Variants in TMEM184B observed in about 807,000 individuals in gnomAD.
The protein encoded by TMEM184B is putative MAPK-activating protein FM08.
A neutral mutation model predicts 41.8 loss-of-function variants in TMEM184B; 17 were observed. The observed-to-expected ratio is 0.41, with a 90% CI of 0.28 to 0.61. The LOEUF is 0.61. Among genes scored for constraint, TMEM184B ranks in the 20% least tolerant of loss-of-function variants. The probability of loss-of-function intolerance (pLI) is 0.34; values close to 1 mark genes in which losing one functional copy is unlikely to be tolerated. For synonymous variants in TMEM184B, 240 were observed against 229.5 expected (o/e 1.05, Z -0.41); for missense variants, 393 against 557.8 (o/e 0.70, Z 2.98).
intron 4 of TMEM184B, 107 bp downstream of exon 4, chr22:38,231,137 G>A: frequency 1.0e-6 from 1 of 988,980 alleles, no homozygotes; most frequent in Non-Finnish European, 1.6e-6. Flanking sequence ...AGCAGGTCAA[G>A]GTCACGGGCA....
In TMEM184B at chr22:38,221,267, T is replaced by C. The variant is rs1475201282; in HGVS notation, c.*202A>G. Reference sequence around the variant, plus strand: ...CGCCCGGGCAGTGCAGGCTGGGCCATGTATAAATATTCCTGAAGGCCCATG... The same window carrying C: ...CGCCCGGGCAGTGCAGGCTGGGCCACGTATAAATATTCCTGAAGGCCCATG... On this transcript the variant is annotated 3_prime_UTR_variant, in exon 9 of 9. Transcript: ENST00000361906. 1.5e-5 allele frequency: 22 copies of C among 1,420,324 alleles called. No individual in the cohort carries two copies. In the East Asian group the frequency reaches 3.4e-4, roughly 22 times the overall value. The allele number at this position is 1,420,324 out of a possible 1,614,324, so 88.0% of individuals were successfully genotyped here.
In TMEM184B at chr22:38,220,653, C is replaced by T. The variant is rs1456378820; in HGVS notation, c.*816G>A. The T allele has an allele frequency of 7.1e-6, 7 of 986,070 alleles. No homozygotes were observed. The East Asian group carries it at 6.8e-4, about 96-fold the overall frequency. 61.1% of individuals were successfully genotyped at this position (986,070 alleles called of 1,614,324 possible). ...GAAGGAGGGCTGGGAGCCCCTGAGC[C>T]CTGAAGCAGCCAGGAAGCAAGGGCT... On this transcript the variant is annotated 3_prime_UTR_variant, in exon 9 of 9. Coordinates refer to ENST00000361906, the MANE Select transcript of TMEM184B (RefSeq NM_012264.5).
chr22:38,222,124 A>G (rs1187505379), intron 8 of TMEM184B: 1 of 213,282 alleles, frequency 4.7e-6, no homozygotes, highest in Non-Finnish European at 9.4e-6. Context: ...CACAGGTGCC[A>G]GGCGCGTCCC....
chr22:38,223,841 G>A (rs1349900752), intron 8 of TMEM184B: 1 of 152,940 alleles, frequency 6.5e-6, no homozygotes, highest in Non-Finnish European at 1.5e-5. Flanking sequence ...CAGCCCAGTG[G>A]AGCGTCCCGG....
chr22:38,252,902 G>T (rs964548752), intron 1 of TMEM184B, among the ~76,000 whole-genome samples: 10 of 152,196 alleles, frequency 6.6e-5, no homozygotes, highest in South Asian at 6.2e-4. Flanking sequence ...TAGCACTTTG[G>T]GAGGCCGAGC....
At chr22:38,249,310 G>A (rs1265086289) in intron 1 of TMEM184B, among the ~76,000 whole-genome samples, 1 of 152,118 alleles carries the variant, frequency 6.6e-6, no homozygotes, top group African/African-American at 2.4e-5. Context: ...CATCAAGCCT[G>A]GCTAATTTTC....
chr22:38,272,714 C>T lies in TMEM184B; in HGVS notation c.-59+170G>A, dbSNP rs1376541608. 1.5e-5 allele frequency: 15 copies of T among 985,250 alleles called. No homozygotes were observed. In the East Asian group the frequency reaches 4.5e-4, roughly 30 times the overall value. The allele number at this position is 985,250 out of a possible 1,614,324, so 61.0% of individuals were successfully genotyped here. A position where few individuals can be genotyped will look rare whatever the true frequency, so the allele number is the denominator to read the frequency against. On this transcript the variant is annotated intron_variant, in intron 1 of 8. Transcript: ENST00000361906. ...GGAGGCACGGGTGGGGAGACGGATGCCCCCTCCCTCCGCGGCCGCACCGGC... is the reference window on the plus strand; with the variant it reads ...GGAGGCACGGGTGGGGAGACGGATGTCCCCTCCCTCCGCGGCCGCACCGGC...
At chr22:38,241,803 G>A (rs1394363888) in intron 3 of TMEM184B, among the ~76,000 whole-genome samples, 7 of 142,984 alleles carry the variant, frequency 4.9e-5, no homozygotes, top group South Asian at 2.2e-4. Context: ...AGAATGGCGT[G>A]AACCCAGGAG....
intron 1 of TMEM184B, among the ~76,000 whole-genome samples, chr22:38,269,062 T>G (rs2092483925): frequency 6.6e-6 from 1 of 152,240 alleles, no homozygotes; most frequent in African/African-American, 2.4e-5. Context: ...TGCCCCCTAT[T>G]TTTAAACAGC....
intron 3 of TMEM184B, among the ~76,000 whole-genome samples, chr22:38,233,955 G>A (rs985036326): frequency 5.9e-5 from 9 of 152,102 alleles, no homozygotes; most frequent in African/African-American, 2.2e-4. Context: ...TTGTAGTACA[G>A]ACAGGGTTTT....
intron 1 of TMEM184B, among the ~76,000 whole-genome samples, chr22:38,249,270 T>A (rs768657575): frequency 6.6e-6 from 1 of 152,204 alleles, no homozygotes; most frequent in Non-Finnish European, 1.5e-5. Context: ...TGCCTTAGCC[T>A]CCTGAGTAGC....
At chr22:38,253,304 G>A (rs776541853) in intron 1 of TMEM184B, among the ~76,000 whole-genome samples, 18 of 151,584 alleles carry the variant, frequency 1.2e-4, no homozygotes, top group East Asian at 2.0e-4. Context: ...GTGCGGTGGC[G>A]AAGACCTGTA....
At chr22:38,222,487 G>A (rs2091288260) in intron 8 of TMEM184B, 1 of 519,052 alleles carries the variant, frequency 1.9e-6, no homozygotes, top group Non-Finnish European at 2.5e-6. Flanking sequence ...CTCTACAGAG[G>A]GTGGCCCTTG....
chr22:38,249,890 T>G (rs16998843), intron 1 of TMEM184B, among the ~76,000 whole-genome samples: 9,026 of 152,214 alleles, frequency 0.059, 874 homozygotes, highest in African/African-American at 0.2. Flanking sequence ...TAACCTGCAA[T>G]GCAACCAGAG....
chr22:38,245,985 G>C lies in TMEM184B; in HGVS notation c.308C>G (p.Thr103Ser). 6.2e-7 allele frequency: 1 copy of C among 1,613,720 alleles called. No homozygotes were observed. The highest frequency in any genetic ancestry group is 1.7e-4 in the Middle Eastern group (1 of 6,002). Reference protein sequence around the residue: ...FDSWLSLLFFTNDQYYVYFGT... With the variant: ...FDSWLSLLFFSNDQYYVYFGT... ...GAAGTACACGTAGTACTGGTCGTTG[G>C]TGAAGAAGAGGAGGCTGAGCCAGGA... The change falls in exon 3 of 9, where the codon ACC becomes AGC. Residue 103 changes from threonine (T) to serine (S), a missense_variant. By Grantham distance (58) the Thr-to-Ser change is moderately conservative. This residue lies in a region of TMEM184B where 271 missense variants were observed against 434.1 expected (regional missense o/e 0.62). Transcript: ENST00000361906.
At chr22:38,269,119 T>C (rs2092484694) in intron 1 of TMEM184B, among the ~76,000 whole-genome samples, 1 of 152,238 alleles carries the variant, frequency 6.6e-6, no homozygotes, top group Admixed American at 6.5e-5. Flanking sequence ...ACAGGGCTAA[T>C]AAGCGCACAG....
chr22:38,259,511 CAG>C (rs1569052601), intron 1 of TMEM184B, among the ~76,000 whole-genome samples: 1 of 152,170 alleles, frequency 6.6e-6, no homozygotes, highest in Admixed American at 6.5e-5. Flanking sequence ...ACAAAGGAAG[CAG>C]AGAGAGGAAA....
At chr22:38,223,083 T>A (rs908208752) in intron 8 of TMEM184B, 3 of 152,576 alleles carry the variant, frequency 2.0e-5, no homozygotes, top group Admixed American at 6.5e-5. Context: ...GGGGTTACAA[T>A]CGCACAGCTG....
At chr22:38,255,677 T>C (rs2092265535) in intron 1 of TMEM184B, among the ~76,000 whole-genome samples, 1 of 152,188 alleles carries the variant, frequency 6.6e-6, no homozygotes, top group Non-Finnish European at 1.5e-5. Context: ...ATCCAGACCA[T>C]GGAATAGTAC....
Sources: allele counts gnomAD v4.1 joint callset (sites outside exome capture counted in the v4.1 genomes callset), GRCh38; gene constraint gnomAD v4.1.1; regional missense constraint gnomAD v4.1.1; transcripts MANE v1.5; gene names NCBI Gene and HGNC (gene_info 2026-07-23, HGNC 2026-07-21).